MBD5: variants seen among roughly 807,000 people sequenced by gnomAD.
MBD5 encodes the protein methyl-CpG-binding domain protein 5.
MBD5 carries 13 observed loss-of-function variants against 117.3 expected under a neutral mutation model. The ratio of observed to expected loss-of-function variants is 0.11; its 90% CI spans 0.07 to 0.18. MBD5 has a LOEUF of 0.18. Among genes scored for constraint, MBD5 ranks in the 10% least tolerant of loss-of-function variants. The probability of loss-of-function intolerance (pLI) is 1.00; values close to 1 mark genes in which losing one functional copy is unlikely to be tolerated. For missense variants in MBD5, 1,879 were observed against 2,093.8 expected (o/e 0.90, Z 2.00); for synonymous variants, 727 against 766.4 (o/e 0.95, Z 0.85).
At chr2:148,487,314 A>G (rs748117351) in intron 10 of MBD5, among the ~76,000 whole-genome samples, 1 of 152,176 alleles carries the variant, frequency 6.6e-6, no homozygotes, top group Non-Finnish European at 1.5e-5. Flanking sequence ...TCCAGAATCT[A>G]GGACCATCCC....
intron 2 of MBD5, among the ~76,000 whole-genome samples, chr2:148,215,194 A>G (rs1198885182): frequency 8.5e-5 from 13 of 152,152 alleles, no homozygotes; most frequent in Admixed American, 7.2e-4. Flanking sequence ...TATATTCTAC[A>G]TATTCTTTCT....
intron 4 of MBD5, among the ~76,000 whole-genome samples, chr2:148,386,540 A>G (rs994887708): frequency 6.6e-6 from 1 of 151,552 alleles, no homozygotes; most frequent in Admixed American, 6.6e-5. Context: ...AAAACGGTGA[A>G]ACCCCGTCTC....
intron 3 of MBD5, among the ~76,000 whole-genome samples, chr2:148,303,930 AG>A (rs1574262241): frequency 6.6e-6 from 1 of 152,210 alleles, no homozygotes; most frequent in Admixed American, 6.5e-5. Context: ...AAAGCTCAAA[AG>A]AAACCTTTAA....
chr2:148,026,340 G>C (rs1036529869), intron 1 of MBD5: 27 of 151,922 alleles, frequency 1.8e-4, no homozygotes, highest in African/African-American at 6.3e-4. Context: ...CAGACTAATG[G>C]AAAATTTCTG....
intron 4 of MBD5, among the ~76,000 whole-genome samples, chr2:148,366,260 T>A (rs556310625): frequency 2.1e-5 from 3 of 142,546 alleles, no homozygotes; most frequent in African/African-American, 7.7e-5. Context: ...AAAAAGGCCT[T>A]CGATAAAATC....
At chr2:148,401,114 TTAAC>T (rs1326069735) in intron 4 of MBD5, among the ~76,000 whole-genome samples, 1 of 152,186 alleles carries the variant, frequency 6.6e-6, no homozygotes, top group Non-Finnish European at 1.5e-5. Flanking sequence ...TAAAATCAAA[TTAAC>T]TATGTCTAGA....
Position 148,328,426 on chromosome 2 carries a change from G to A in MBD5, c.-679-13788G>A, listed in dbSNP as rs532912533. ...TAAGCAAGCCTGGGCAATGGTGGGC[G>A]CCCCTCCCCTAGCCTCGCTGCTGCC... is the stretch of plus-strand genomic sequence containing the variant. On this transcript the variant is annotated intron_variant, in intron 3 of 13. Coordinates refer to ENST00000642680, the MANE Select transcript of MBD5 (RefSeq NM_001378120.1). Among the ~76,000 whole-genome samples, 207 of 152,308 alleles carry A rather than the reference G, an allele frequency of 1.4e-3. 3 individuals are homozygous for A. In the South Asian group the frequency reaches 0.039, roughly 29 times the overall value.
At chr2:148,261,901 G>A (rs1700742582) in intron 3 of MBD5, among the ~76,000 whole-genome samples, 1 of 152,162 alleles carries the variant, frequency 6.6e-6, no homozygotes, top group African/African-American at 2.4e-5. Flanking sequence ...GAATATTGTT[G>A]TGTCTTAGGG....
chr2:148,158,253 AG>A (rs1697919552), intron 1 of MBD5, among the ~76,000 whole-genome samples: 1 of 152,246 alleles, frequency 6.6e-6, no homozygotes, highest in Non-Finnish European at 1.5e-5. Context: ...AGTGCTCAAG[AG>A]AAAATGTCAT....
intron 7 of MBD5, among the ~76,000 whole-genome samples, chr2:148,466,412 T>C (rs1019850420): frequency 6.6e-6 from 1 of 152,152 alleles, no homozygotes; most frequent in African/African-American, 2.4e-5. Context: ...CCACAGTTAT[T>C]ATCTAAATTC....
chr2:148,464,656 G>C (rs1045438771), intron 7 of MBD5, among the ~76,000 whole-genome samples: 8 of 151,866 alleles, frequency 5.3e-5, no homozygotes, highest in African/African-American at 1.9e-4. Context: ...GTCTCTTATA[G>C]TTTCACAGAA....
In MBD5 at chr2:148,021,698, TG is replaced by T; in HGVS notation, c.-925+19del. The T allele has an allele frequency of 5.9e-6, 2 of 340,232 alleles. No homozygotes were observed. The highest frequency in any genetic ancestry group is 1.2e-5 in the Non-Finnish European group (2 of 170,004). 21.1% of individuals were successfully genotyped at this position (340,232 alleles called of 1,614,324 possible). A position where few individuals can be genotyped will look rare whatever the true frequency, so the allele number is the denominator to read the frequency against. Reference sequence around the variant, plus strand: ...GGGGCAGGAAAGGTAAGTGTGTCTGTGGGGGCTTCATTGCCTTCCTCTGGCT... The same window carrying T: ...GGGGCAGGAAAGGTAAGTGTGTCTGTGGGGCTTCATTGCCTTCCTCTGGCT... On this transcript the variant is annotated intron_variant, in intron 1 of 13. Coordinates refer to ENST00000642680, the MANE Select transcript of MBD5 (RefSeq NM_001378120.1).
chr2:148,368,917 C>G (rs963447609), intron 4 of MBD5, among the ~76,000 whole-genome samples: 2 of 151,732 alleles, frequency 1.3e-5, no homozygotes, highest in Non-Finnish European at 1.5e-5. Flanking sequence ...TAAAGGAAAC[C>G]TACTAATTTG....
chr2:148,319,511 AG>A (rs1449760910), intron 3 of MBD5, among the ~76,000 whole-genome samples: 1 of 152,092 alleles, frequency 6.6e-6, no homozygotes, highest in Non-Finnish European at 1.5e-5. Context: ...GGTTTTTTGT[AG>A]CTATTGTAAA....
intron 4 of MBD5, among the ~76,000 whole-genome samples, chr2:148,412,991 T>C (rs1352116409): frequency 6.6e-6 from 1 of 152,144 alleles, no homozygotes; most frequent in Non-Finnish European, 1.5e-5. Context: ...CTTCCAGTAC[T>C]GTGATCAATA....
intron 3 of MBD5, among the ~76,000 whole-genome samples, chr2:148,325,889 G>C (rs909315319): frequency 1.2e-4 from 19 of 152,096 alleles, no homozygotes; most frequent in African/African-American, 4.6e-4. Context: ...TTTTGAATGT[G>C]TTTGCTCTTG....
At chr2:148,330,405 A>C (rs1702614364) in intron 3 of MBD5, 1 of 152,188 alleles carries the variant, frequency 6.6e-6, no homozygotes, top group African/African-American at 2.4e-5. Context: ...TACAGCTACC[A>C]GAAGTAGCAG....
At chr2:148,310,473 G>C (rs1247462108) in intron 3 of MBD5, among the ~76,000 whole-genome samples, 1 of 152,100 alleles carries the variant, frequency 6.6e-6, no homozygotes, top group East Asian at 1.9e-4. Context: ...TTGTATTTCT[G>C]GGGGATCAGT....
At chr2:148,162,850 A>G (rs1025838989) in intron 1 of MBD5, among the ~76,000 whole-genome samples, 1 of 152,264 alleles carries the variant, frequency 6.6e-6, no homozygotes, top group East Asian at 1.9e-4. Flanking sequence ...AAAATGCTAA[A>G]GAATTGAAAA....
Sources: allele counts gnomAD v4.1 joint callset (sites outside exome capture counted in the v4.1 genomes callset), GRCh38; gene constraint gnomAD v4.1.1; transcripts MANE v1.5; gene names NCBI Gene and HGNC (gene_info 2026-07-23, HGNC 2026-07-21).